NAV3: variants seen among roughly 807,000 people sequenced by gnomAD.
NAV3 encodes the protein neuron navigator 3.
A neutral mutation model predicts 244.7 loss-of-function variants in NAV3; 87 were observed. That is an observed-to-expected ratio of 0.36 (90% CI 0.30 to 0.42). NAV3 has a LOEUF of 0.42. Among genes scored for constraint, NAV3 ranks in the 20% least tolerant of loss-of-function variants. The probability of loss-of-function intolerance (pLI) is 1.00; values close to 1 mark genes in which losing one functional copy is unlikely to be tolerated. For synonymous variants in NAV3, 1,126 were observed against 1,042.2 expected (o/e 1.08, Z -1.55); for missense variants, 2,663 against 2,893.3 (o/e 0.92, Z 1.83).
At chr12:77,885,540 A>G (rs1883183249) in intron 1 of NAV3, among the ~76,000 whole-genome samples, 1 of 152,154 alleles carries the variant, frequency 6.6e-6, no homozygotes, top group Non-Finnish European at 1.5e-5. Flanking sequence ...TTTGCTTTTT[A>G]CAGGTTGTAT....
At chr12:78,179,165 T>C (rs1958390280) in intron 28 of NAV3, among the ~76,000 whole-genome samples, 1 of 152,098 alleles carries the variant, frequency 6.6e-6, no homozygotes, top group African/African-American at 2.4e-5. Context: ...AATAGTCACA[T>C]GTTGCAAATA....
In NAV3 at chr12:78,199,316, A is replaced by AT. The variant is rs564541675; in HGVS notation, c.6519-11dup. 5.8e-3 allele frequency: 8,960 copies of AT among 1,548,208 alleles called. 77 individuals are homozygous for AT. The highest frequency in any genetic ancestry group is 0.022 in the Middle Eastern group (129 of 5,862). Reference sequence around the variant, plus strand: ...AATTTAATTTATATAAAAATGTCTGATTTTTTTTCTTTTTGTAGGTGGGTA... The same window carrying AT: ...AATTTAATTTATATAAAAATGTCTGATTTTTTTTTCTTTTTGTAGGTGGGTA... On this transcript the variant is annotated intron_variant, in intron 36 of 39. Transcript: ENST00000397909.
At chr12:77,600,633 G>A (rs540219047) in intron 2 of NAV3, among the ~76,000 whole-genome samples, 1 of 152,090 alleles carries the variant, frequency 6.6e-6, no homozygotes, top group South Asian at 2.1e-4. Context: ...TCATAAATCA[G>A]GGAATGAGTG....
chr12:77,774,755 A>G (rs558343085), intron 2 of NAV3, among the ~76,000 whole-genome samples: 70 of 152,178 alleles, frequency 4.6e-4, no homozygotes, highest in Non-Finnish European at 9.0e-4. Context: ...TCTCCCTCTG[A>G]TTAACATGGG....
At chr12:78,165,323 C>T (rs1054647193) in intron 23 of NAV3, among the ~76,000 whole-genome samples, 1 of 151,962 alleles carries the variant, frequency 6.6e-6, no homozygotes, top group Non-Finnish European at 1.5e-5. Flanking sequence ...CAGCCTCAAT[C>T]TTCTCTTTAG....
rs551859987 is a variant in NAV3 at position 78,129,157 on chromosome 12, A to G, written c.4441+291A>G. Among the ~76,000 whole-genome samples, 32 of 152,280 alleles carry G rather than the reference A, an allele frequency of 2.1e-4. No individual in the cohort carries two copies. In the East Asian group the frequency reaches 5.2e-3, roughly 25 times the overall value. ...CTTGACTTGAAAAAGTCTTACCATT[A>G]CTAAGGGTTCAAGGCAGTAACCAGT... On this transcript the variant is annotated intron_variant, in intron 18 of 39. Transcript: ENST00000397909.
At chr12:77,866,051 A>G (rs1459016731) in intron 1 of NAV3, among the ~76,000 whole-genome samples, 1 of 152,156 alleles carries the variant, frequency 6.6e-6, no homozygotes. Context: ...TTTACCAAAT[A>G]TACTTTGCAA....
chr12:77,809,725 C>T (rs556825532), intron 2 of NAV3, among the ~76,000 whole-genome samples: 93 of 152,194 alleles, frequency 6.1e-4, no homozygotes, highest in Admixed American at 4.2e-3. Context: ...CAAAATAAAA[C>T]ATACGTCATT....
intron 2 of NAV3, among the ~76,000 whole-genome samples, chr12:77,574,993 G>T (rs369047093): frequency 8.4e-4 from 126 of 150,204 alleles, no homozygotes; most frequent in African/African-American, 2.8e-3. Flanking sequence ...CTCCTTAAGA[G>T]TTTGGGTCTT....
chr12:77,795,142 G>A (rs1871349226), intron 2 of NAV3, among the ~76,000 whole-genome samples: 1 of 152,072 alleles, frequency 6.6e-6, no homozygotes, highest in African/African-American at 2.4e-5. Flanking sequence ...AAATGCAAAG[G>A]AAAATTAAAG....
intron 2 of NAV3, among the ~76,000 whole-genome samples, chr12:77,671,757 A>G (rs898044174): frequency 6.6e-6 from 1 of 152,126 alleles, no homozygotes; most frequent in South Asian, 2.1e-4. Context: ...ACAAAAATTG[A>G]CTCAAGATGG....
At chr12:77,706,872 A>C in intron 2 of NAV3, among the ~76,000 whole-genome samples, 3 of 7,960 alleles carry the variant, frequency 3.8e-4, no homozygotes, top group Non-Finnish European at 1.2e-3. Flanking sequence ...CTCTGTTTCA[A>C]AAAAAAAAAA....
At chr12:77,629,540 C>T (rs1871791559) in intron 2 of NAV3, among the ~76,000 whole-genome samples, 1 of 152,126 alleles carries the variant, frequency 6.6e-6, no homozygotes, top group Non-Finnish European at 1.5e-5. Flanking sequence ...TCTTTTCTAT[C>T]TGGTTCTCTT....
chr12:77,675,557 TG>T (rs1217288745), intron 2 of NAV3, among the ~76,000 whole-genome samples: 5 of 152,322 alleles, frequency 3.3e-5, no homozygotes, highest in African/African-American at 1.2e-4. Flanking sequence ...ACTGAATAGC[TG>T]GAGACTGCAC....
At chr12:77,658,779 G>A (rs1437054459) in intron 2 of NAV3, among the ~76,000 whole-genome samples, 1 of 151,720 alleles carries the variant, frequency 6.6e-6, no homozygotes, top group Non-Finnish European at 1.5e-5. Context: ...CAATGGAACA[G>A]AACAGAGCCC....
intron 1 of NAV3, 95 bp downstream of exon 1, chr12:77,831,799 G>C (rs2136083140): frequency 7.3e-7 from 1 of 1,362,292 alleles, no homozygotes; most frequent in Non-Finnish European, 9.9e-7. Flanking sequence ...GGGAGTAGTA[G>C]AGGAATACCA....
At chr12:77,952,551 C>T (rs2137676496) in intron 3 of NAV3, among the ~76,000 whole-genome samples, 1 of 152,182 alleles carries the variant, frequency 6.6e-6, no homozygotes, top group South Asian at 2.1e-4. Context: ...TGTCAGTCCT[C>T]CAATTTTGTA....
intron 3 of NAV3, among the ~76,000 whole-genome samples, chr12:77,959,934 A>G (rs1891729490): frequency 6.7e-6 from 1 of 150,242 alleles, no homozygotes; most frequent in Non-Finnish European, 1.5e-5. Context: ...AAAAAAAAAA[A>G]AAAAAAGACC....
chr12:78,101,141 C>G (rs1203112550), intron 12 of NAV3, among the ~76,000 whole-genome samples: 1 of 152,124 alleles, frequency 6.6e-6, no homozygotes, highest in Non-Finnish European at 1.5e-5. Flanking sequence ...TTGATTTATT[C>G]CACAAACACT....
Sources: allele counts gnomAD v4.1 joint callset (sites outside exome capture counted in the v4.1 genomes callset), GRCh38; gene constraint gnomAD v4.1.1; transcripts MANE v1.5; gene names NCBI Gene and HGNC (gene_info 2026-07-23, HGNC 2026-07-21).